MASP1: variants seen among roughly 807,000 people sequenced by gnomAD.
The protein encoded by MASP1 is mannan-binding lectin serine protease 1.
In MASP1, 59 loss-of-function variants were observed where a neutral mutation model predicts 77.1. The observed-to-expected ratio is 0.77, with a 90% confidence interval of 0.62 to 0.95. The LOEUF (loss-of-function observed/expected upper bound fraction) is 0.95, where lower values mean the gene tolerates loss of function less well. MASP1 is among the 40% of genes least tolerant of loss of function. MASP1 has a pLI of 0.00. For missense variants in MASP1, 885 were observed against 912.9 expected (o/e 0.97, Z 0.39); for synonymous variants, 362 against 354.5 (o/e 1.02, Z -0.24).
chr3:187,249,558 G>A (rs1183148507), intron 8 of MASP1, among the ~76,000 whole-genome samples: 1 of 152,144 alleles, frequency 6.6e-6, no homozygotes, highest in African/African-American at 2.4e-5. Context: ...GAGGTGAAGG[G>A]GTTGGAAGCC....
At chr3:187,282,736 GC>G (rs946741553) in intron 2 of MASP1, among the ~76,000 whole-genome samples, 1 of 152,178 alleles carries the variant, frequency 6.6e-6, no homozygotes, top group African/African-American at 2.4e-5. Context: ...GCCTGCTGGT[GC>G]CCCACGGCTG....
chr3:187,278,152 T>C (rs1372348641), intron 2 of MASP1, among the ~76,000 whole-genome samples: 2 of 152,204 alleles, frequency 1.3e-5, no homozygotes, highest in Admixed American at 6.5e-5. Flanking sequence ...CATTATTATC[T>C]CCATTTTACA....
intron 2 of MASP1, among the ~76,000 whole-genome samples, chr3:187,274,259 G>T (rs909320808): frequency 1.3e-5 from 2 of 152,000 alleles, no homozygotes; most frequent in African/African-American, 2.4e-5. Flanking sequence ...CTTGTTCTAT[G>T]TGGAACTTTC....
intron 8 of MASP1, chr3:187,243,888 A>C (rs2108526187): frequency 2.0e-6 from 1 of 503,520 alleles, no homozygotes; most frequent in African/African-American, 1.9e-5. Flanking sequence ...GGGTAGGGGA[A>C]GGTCTACTGA....
At chr3:187,290,365 A>G (rs1461265903) in intron 1 of MASP1, among the ~76,000 whole-genome samples, 8 of 152,186 alleles carry the variant, frequency 5.3e-5, no homozygotes, top group Admixed American at 5.2e-4. Flanking sequence ...AAGATACAGA[A>G]TTGTTACTCA....
At position 187,235,018 on chromosome 3, in the gene MASP1, A is replaced by G. The variant is rs771412266; in HGVS notation, c.*666T>C. The G allele has an allele frequency of 7.8e-7, 1 of 1,287,200 alleles. No homozygotes were observed. Among genetic ancestry groups the G allele is most frequent in the South Asian group, 1.2e-5 (1 of 80,936 alleles). The allele number at this position is 1,287,200 out of a possible 1,614,324, so 79.7% of individuals were successfully genotyped here. A position where few individuals can be genotyped will look rare whatever the true frequency, so the allele number is the denominator to read the frequency against. ...CCAGCAGTCAGCACAAACCTTCCCA[A>G]CTTTCTCCATGTCTTTTGAAATTCC... On this transcript the variant is annotated 3_prime_UTR_variant, in exon 11 of 11. Transcript: ENST00000296280.
intron 2 of MASP1, among the ~76,000 whole-genome samples, chr3:187,270,812 C>T (rs1716458712): frequency 6.6e-6 from 1 of 152,208 alleles, no homozygotes; most frequent in African/African-American, 2.4e-5. Flanking sequence ...GACCAATTCA[C>T]TGGCATTCAC....
exon 13 of MASP1, chr3:187,225,432 C>A (rs1335869764): frequency 6.2e-7 from 1 of 1,614,198 alleles, no homozygotes; most frequent in South Asian, 1.1e-5. Context: ...GTGTTGGGAT[C>A]ATACTGGGGG....
chr3:187,266,298 C>A (rs141080117), intron 2 of MASP1, among the ~76,000 whole-genome samples: 1 of 152,078 alleles, frequency 6.6e-6, no homozygotes, highest in Admixed American at 6.5e-5. Flanking sequence ...GTGAAGGGTG[C>A]CAAAAATTAT....
intron 7 of MASP1, among the ~76,000 whole-genome samples, chr3:187,250,951 C>A (rs974683228): frequency 6.6e-6 from 1 of 151,914 alleles, no homozygotes; most frequent in African/African-American, 2.4e-5. Flanking sequence ...TGAGGGGAAC[C>A]CATCTGTTCC....
Position 187,236,359 on chromosome 3 carries a change from T to C in MASP1, c.1512A>G (p.Arg504=). 1 of 1,614,232 alleles carries C rather than the reference T, an allele frequency of 6.2e-7. No homozygotes were observed. Among genetic ancestry groups the C allele is most frequent in the Non-Finnish European group, 8.5e-7 (1 of 1,180,050 alleles). Residue 504 remains arginine, a synonymous_variant, in exon 11 of 11, where the codon AGA becomes AGG. Transcript: ENST00000296280. ...TAAHVLRSQR[R]DTTVIPVSKE... ...TGGAGACTGGTATCACCGTGGTGTCTCTACGCTGGGAGCGCAGCACATGAG... is the reference window on the plus strand; with the variant it reads ...TGGAGACTGGTATCACCGTGGTGTCCCTACGCTGGGAGCGCAGCACATGAG...
Position 187,225,484 on chromosome 3 carries a change from A to C in MASP1, c.1581T>G (p.Asp527Glu), listed in dbSNP as rs371480858. The C allele has an allele frequency of 3.7e-6, 6 of 1,614,160 alleles. 1 individual carries two copies. In the South Asian group the frequency reaches 6.6e-5, roughly 18 times the overall value. Residue 527 changes from aspartate to glutamate, a missense_variant, in exon 13 of 16, where the codon GAT (aspartate) becomes GAG (glutamate). Transcript: ENST00000337774. ...TGACGCCGAGATGCTGTTCATTTTC[A>C]TCTGACCGGAGCCTCCAATGCTTGC...
At position 187,251,637 on chromosome 3, in the gene MASP1, C is replaced by A. The variant is rs116595107; in HGVS notation, c.1008G>T (p.Leu336=). 1 of 1,613,790 alleles carries A rather than the reference C, an allele frequency of 6.2e-7. No individual in the cohort carries two copies. Among genetic ancestry groups the A allele is most frequent in the Non-Finnish European group, 8.5e-7 (1 of 1,179,726 alleles). The change falls in exon 7 of 11, where the codon CTG becomes CTT. Residue 336 remains leucine, a synonymous_variant. Coordinates refer to ENST00000296280, the MANE Select transcript of MASP1 (RefSeq NM_139125.4). ...TTTCCCAGGCAAGGCTCTGCACCTT[C>A]AGCACTTTGTAGCCTGTGTCACAGC... ...LVSCDTGYKV[L]KDNVEMDTFQ...
chr3:187,250,374 G>T, intron 7 of MASP1, 45 bp from the exon 8 acceptor site: 1 of 1,441,878 alleles, frequency 6.9e-7, no homozygotes, highest in Non-Finnish European at 9.8e-7. Flanking sequence ...GGAGGTGGGG[G>T]TGGTGTCAGG....
chr3:187,269,064 C>CAAA (rs35550567), intron 2 of MASP1, among the ~76,000 whole-genome samples: 21 of 115,430 alleles, frequency 1.8e-4, no homozygotes, highest in African/African-American at 6.5e-4. Flanking sequence ...GACACTGTCT[C>CAAA]AAAAAAAAAA....
rs1249320351 is a variant in MASP1, at chr3:187,243,638, G to A, written c.1091-17C>T. 1 of 1,613,902 alleles carries A rather than the reference G, an allele frequency of 6.2e-7. No homozygotes were observed. The highest frequency in any genetic ancestry group is 1.3e-5 in the African/African-American group (1 of 74,918). On this transcript the variant is annotated splice_polypyrimidine_tract_variant and intron_variant, in intron 8 of 10. Coordinates refer to ENST00000296280, the MANE Select transcript of MASP1 (RefSeq NM_139125.4). ...AGTCTACAACTGAGAGAGAAGAAGTGAGACCCCTCAACTGCCTTTTGCTCA... is the reference window on the plus strand; with the variant it reads ...AGTCTACAACTGAGAGAGAAGAAGTAAGACCCCTCAACTGCCTTTTGCTCA...
At chr3:187,256,233 T>G (rs1391177627) in intron 5 of MASP1, among the ~76,000 whole-genome samples, 1 of 152,150 alleles carries the variant, frequency 6.6e-6, no homozygotes, top group Non-Finnish European at 1.5e-5. Context: ...GGACCCTTAT[T>G]TAAAACAAAT....
chr3:187,289,940 G>A (rs932338311), intron 1 of MASP1, among the ~76,000 whole-genome samples: 6 of 152,314 alleles, frequency 3.9e-5, no homozygotes, highest in African/African-American at 1.4e-4. Flanking sequence ...CTGAAATACT[G>A]TATCCATGTG....
At chr3:187,286,762 T>C (rs1717891961) in intron 1 of MASP1, among the ~76,000 whole-genome samples, 1 of 152,230 alleles carries the variant, frequency 6.6e-6, no homozygotes, top group Non-Finnish European at 1.5e-5. Context: ...GGTCAGTCTG[T>C]ACTCACCACA....
Sources: allele counts gnomAD v4.1 joint callset (sites outside exome capture counted in the v4.1 genomes callset), GRCh38; gene constraint gnomAD v4.1.1; transcripts MANE v1.5; gene names NCBI Gene and HGNC (gene_info 2026-07-23, HGNC 2026-07-21).